The following ARL13A variants were observed in gnomAD, a reference collection of about 807,000 sequenced individuals.
ARL13A encodes the protein ADP-ribosylation factor-like protein 13A.
In ARL13A, 16 loss-of-function variants were observed where a neutral mutation model predicts 19.1. That is an observed-to-expected ratio of 0.84 (90% confidence interval 0.57 to 1.27). ARL13A has a LOEUF of 1.27. ARL13A is among the 50% of genes most tolerant of loss of function. The pLI is 0.00. For synonymous variants in ARL13A, 69 were observed against 71.3 expected, an observed-to-expected ratio of 0.97 and a Z score of 0.17; for missense variants, 153 against 186.4, an observed-to-expected ratio of 0.82 and a Z score of 1.04.
intron 1 of ARL13A, among the ~76,000 whole-genome samples, chrX:100,971,131 C>T (rs1157180044): frequency 1.9e-5 from 2 of 104,830 alleles, no homozygotes; most frequent in African/African-American, 3.5e-5. Flanking sequence ...CATTCACTTC[C>T]AAATCCAGCT....
intron 4 of ARL13A, among the ~76,000 whole-genome samples, chrX:100,986,382 A>G (rs1012567886): frequency 2.7e-5 from 3 of 111,869 alleles, no homozygotes; most frequent in Middle Eastern, 4.6e-3. Flanking sequence ...GCAGGTGGCC[A>G]GTCAATTCTC....
intron 7 of ARL13A, among the ~76,000 whole-genome samples, chrX:100,989,764 A>G (rs1324139916): frequency 8.9e-6 from 1 of 112,130 alleles, no homozygotes; most frequent in Non-Finnish European, 1.9e-5. Flanking sequence ...TCAACTGTCA[A>G]TATTATAATG....
intron 3 of ARL13A, among the ~76,000 whole-genome samples, chrX:100,978,214 TA>T (rs1459197003): frequency 8.9e-6 from 1 of 112,394 alleles, no homozygotes; most frequent in African/African-American, 3.2e-5. Context: ...GTTCTGTAAA[TA>T]TCTATTAGGT....
intron 3 of ARL13A, among the ~76,000 whole-genome samples, chrX:100,977,973 A>G (rs775822203): frequency 3.6e-4 from 40 of 112,298 alleles, no homozygotes; most frequent in African/African-American, 1.2e-3. Flanking sequence ...AACATGGGAC[A>G]CCAGATATCT....
intron 1 of ARL13A, among the ~76,000 whole-genome samples, chrX:100,970,204 G>C (rs1443479530): frequency 8.9e-6 from 1 of 112,587 alleles, no homozygotes; most frequent in Non-Finnish European, 1.9e-5. Context: ...TGCAAAACTG[G>C]AGTAAGGCTG....
intron 7 of ARL13A, chrX:100,988,680 A>G (rs2085970966): frequency 2.1e-6 from 1 of 468,928 alleles, no homozygotes; most frequent in African/African-American, 2.7e-5. Context: ...TGATTAGGAG[A>G]AAAGCACCTT....
Position 100,977,624 on chromosome X carries a change from G to T in ARL13A, c.130+3427G>T, listed in dbSNP as rs1388974522. ...TCGAACTCCTGACATCAGGTGATCT[G>T]CCTGCCTCGGCCTCCCAAAGTGCTG... On this transcript the variant is annotated intron_variant, in intron 3 of 7. Coordinates refer to ENST00000450049, the MANE Select transcript of ARL13A (RefSeq NM_001162491.2). 6.3e-5 allele frequency among the ~76,000 whole-genome samples: 7 copies of T among 110,774 alleles called. No homozygotes were observed. The East Asian group carries it at 2.0e-3, about 31-fold the overall frequency.
In ARL13A at chrX:100,985,727, A is replaced by G. The variant is rs2085926308; in HGVS notation, c.191A>G (p.Glu64Gly). ...GAACTGACTACACTTTTGTTAGATG[A>G]GTATGAACTTTCCATCTATGACCTG... ...KSELTTLLLD[E>G]YELSIYDLNG... is the part of the protein sequence containing the mutation. Residue 64 changes from glutamate to glycine, a missense_variant, in exon 4 of 8, where the codon GAG becomes GGG. By Grantham distance (98) the Glu-to-Gly change is moderately conservative. Transcript: ENST00000450049. 8.3e-7 allele frequency: 1 copy of G among 1,208,638 alleles called. No homozygotes were observed. The highest frequency in any genetic ancestry group is 1.1e-6 in the Non-Finnish European group (1 of 894,476).
intron 3 of ARL13A, among the ~76,000 whole-genome samples, chrX:100,975,538 C>G (rs1461799952): frequency 9.0e-6 from 1 of 111,261 alleles, no homozygotes; most frequent in African/African-American, 3.3e-5. Flanking sequence ...GGCCTTTTAG[C>G]ATTTTCAGGT....
Position 100,982,727 on chromosome X carries a change from G to C in ARL13A, c.131-2940G>C, listed in dbSNP as rs757752566. On this transcript the variant is annotated intron_variant, in intron 3 of 7. Transcript: ENST00000450049. ...CAGTGGTACAGTGGTGTGATCATGG[G>C]TCACTACAGCCTCGATTGACCAGGC... Among the ~76,000 whole-genome samples the C allele has an allele frequency of 2.6e-3, 279 of 106,053 alleles. 1 individual carries two copies. The highest frequency in any genetic ancestry group is 8.9e-3 in the African/African-American group (258 of 29,057). 92.1% of individuals were successfully genotyped at this position (106,053 alleles called of 115,157 possible). A position where few individuals can be genotyped will look rare whatever the true frequency, so the allele number is the denominator to read the frequency against.
At chrX:100,972,444 C>T (rs1475806276) in intron 1 of ARL13A, among the ~76,000 whole-genome samples, 1 of 100,016 alleles carries the variant, frequency 1.0e-5, no homozygotes, top group East Asian at 3.4e-4. Context: ...TGGGCAGAGG[C>T]GCCCCTCACC....
At position 100,973,706 on chromosome X, in the gene ARL13A, C is replaced by T. The variant is rs868189987; in HGVS notation, c.17C>T (p.Ser6Phe). ...AGATGAATCATGTTCCGGCTTTTGT[C>T]CTCCTGCTGCTCTTGCCTAAGGACA... MFRLL[S>F]SCCSCLRTTE... is the part of the protein sequence containing the mutation. The change falls in exon 2 of 8, where the codon TCC becomes TTC. Residue 6 changes from serine (S) to phenylalanine (F), a missense_variant. Transcript: ENST00000450049. The T allele has an allele frequency of 5.0e-6, 6 of 1,209,536 alleles. No homozygotes were observed. In the African/African-American group the frequency reaches 1.0e-4, roughly 21 times the overall value.
At chrX:100,987,022 C>T (rs1602467165) in intron 5 of ARL13A, 121 bp downstream of exon 5, 3 of 442,601 alleles carry the variant, frequency 6.8e-6, no homozygotes, top group African/African-American at 2.5e-5. Flanking sequence ...TCAGGCAACA[C>T]CCACAGTGAT....
At chrX:100,973,951 G>A (rs1469592536) in intron 2 of ARL13A, among the ~76,000 whole-genome samples, 176 bp from the exon 3 acceptor site, 1 of 111,579 alleles carries the variant, frequency 9.0e-6, no homozygotes, top group African/African-American at 3.3e-5. Flanking sequence ...ATCCTTGGGG[G>A]CTTTGGTGAG....
chrX:100,981,569 C>G (rs1434138013), intron 3 of ARL13A, among the ~76,000 whole-genome samples: 1 of 106,093 alleles, frequency 9.4e-6, no homozygotes, highest in Non-Finnish European at 1.9e-5. Flanking sequence ...TTTGAGAGGC[C>G]AAGGCAGGCA....
rs376064482 is a variant in ARL13A, at chrX:100,973,696, C to T, written c.7C>T (p.Arg3Trp). Residue 3 changes from arginine to tryptophan, a missense_variant, in exon 2 of 8, where the codon CGG becomes TGG. Physicochemically the swap from Arg to Trp is moderately radical, Grantham distance 101. Transcript: ENST00000450049. MF[R>W]LLSSCCSCLR... ...TTAAGAACTAAGATGAATCATGTTC[C>T]GGCTTTTGTCCTCCTGCTGCTCTTG... is the stretch of plus-strand genomic sequence containing the variant. The T allele has an allele frequency of 4.7e-5, 57 of 1,208,996 alleles. No individual in the cohort carries two copies. Among genetic ancestry groups the T allele is most frequent in the South Asian group, 2.1e-4 (12 of 56,725 alleles).
In ARL13A at chrX:100,990,643, A is replaced by G; in HGVS notation, c.*55A>G. 1.9e-6 allele frequency: 2 copies of G among 1,071,006 alleles called. No homozygotes were observed. The highest frequency in any genetic ancestry group is 1.3e-6 in the Non-Finnish European group (1 of 785,999). 88.3% of individuals were successfully genotyped at this position (1,071,006 alleles called of 1,213,427 possible). On this transcript the variant is annotated 3_prime_UTR_variant, in exon 8 of 8. Coordinates refer to ENST00000450049, the MANE Select transcript of ARL13A (RefSeq NM_001162491.2). ...TTGAGAATGAAGACCACCTTGGTAA[A>G]AAAGAACAGAGACTTTACATCTTTG...
Position 100,987,471 on chromosome X carries a change from A to G in ARL13A, c.568A>G (p.Ile190Val). Residue 190 changes from isoleucine to valine, a missense_variant, in exon 6 of 8, where the codon ATT (isoleucine) becomes GTT (valine). Transcript: ENST00000450049. ...AGGACTGCGCTGGCTATTAGCTGTCATTGATACTTGCCAACTACCACCTAC... is the reference window on the plus strand; with the variant it reads ...AGGACTGCGCTGGCTATTAGCTGTCGTTGATACTTGCCAACTACCACCTAC... ...VEGLRWLLAVIDTCQLPPTSS... is the reference protein window; with the variant it reads ...VEGLRWLLAVVDTCQLPPTSS... 1 of 1,211,556 alleles carries G rather than the reference A, an allele frequency of 8.3e-7. No individual in the cohort carries two copies. The highest frequency in any genetic ancestry group is 3.0e-5 in the East Asian group (1 of 33,865).
intron 6 of ARL13A, 116 bp downstream of exon 6, chrX:100,987,672 T>C: frequency 1.2e-6 from 1 of 817,516 alleles, no homozygotes; most frequent in Non-Finnish European, 1.7e-6. Context: ...AGCAAGTCTC[T>C]TGATATCATT....
Sources: gnomAD v4.1 joint callset for allele counts (sites outside exome capture counted in the v4.1 genomes callset) on GRCh38, gnomAD v4.1.1 for gene constraint, MANE v1.5 for transcripts, NCBI Gene and HGNC (gene_info 2026-07-23, HGNC 2026-07-21) for gene names.